Variants in ZMAT4 observed in about 807,000 individuals in gnomAD.
The protein encoded by ZMAT4 is zinc finger matrin-type protein 4.
In ZMAT4, 17 loss-of-function variants were observed where a neutral mutation model predicts 28.7. The ratio of observed to expected loss-of-function variants is 0.59; its 90% CI spans 0.41 to 0.89. The LOEUF (loss-of-function observed/expected upper bound fraction) is 0.89. Ranked by LOEUF, ZMAT4 falls within the 40% of genes least tolerant of loss-of-function variation. ZMAT4 has a pLI of 0.00. For synonymous variants in ZMAT4, 117 were observed against 109.2 expected (o/e 1.07, Z -0.44); for missense variants, 240 against 283.8 (o/e 0.85, Z 1.11).
chr8:40,761,054 G>A (rs1812917511), intron 3 of ZMAT4, among the ~76,000 whole-genome samples: 1 of 152,014 alleles, frequency 6.6e-6, no homozygotes. Context: ...GTGAGGGTGG[G>A]CTGGGGCAGT....
At chr8:40,764,447 C>T (rs969117014) in intron 3 of ZMAT4, among the ~76,000 whole-genome samples, 1 of 152,156 alleles carries the variant, frequency 6.6e-6, no homozygotes, top group Non-Finnish European at 1.5e-5. Context: ...ATAATAGGCC[C>T]TTCACTGCGT....
Position 40,600,384 on chromosome 8 carries a change from C to T in ZMAT4, c.578-19123G>A, listed in dbSNP as rs147224924. 7.5e-4 allele frequency among the ~76,000 whole-genome samples: 115 copies of T among 152,326 alleles called. 1 individual carries two copies. The highest frequency in any genetic ancestry group is 3.4e-3 in the Middle Eastern group (1 of 294). On this transcript the variant is annotated intron_variant, in intron 5 of 6. Coordinates refer to ENST00000297737, the MANE Select transcript of ZMAT4 (RefSeq NM_024645.3). The stretch of plus-strand genomic sequence containing the variant: ...TCTGGCATGAGCCATGCTGACTCTA[C>T]CAAGATAAAAATGGGCAAACTAAAG...
At chr8:40,822,731 C>T (rs1344728601) in intron 2 of ZMAT4, among the ~76,000 whole-genome samples, 1 of 152,188 alleles carries the variant, frequency 6.6e-6, no homozygotes. Context: ...ATGCACAGCT[C>T]TTTCTCACTG....
At chr8:40,558,978 G>T (rs1803639402) in intron 6 of ZMAT4, among the ~76,000 whole-genome samples, 1 of 152,136 alleles carries the variant, frequency 6.6e-6, no homozygotes, top group Admixed American at 6.5e-5. Flanking sequence ...TGCCAGAAAA[G>T]GGTTAAGCCT....
intron 5 of ZMAT4, among the ~76,000 whole-genome samples, chr8:40,641,133 G>T (rs1278928070): frequency 6.6e-6 from 1 of 152,128 alleles, no homozygotes; most frequent in Non-Finnish European, 1.5e-5. Context: ...GAATTATTTT[G>T]TAAATATGTG....
intron 5 of ZMAT4, among the ~76,000 whole-genome samples, chr8:40,636,872 A>G (rs1806811097): frequency 6.6e-6 from 1 of 152,084 alleles, no homozygotes; most frequent in African/African-American, 2.4e-5. Context: ...TAAAATGAAA[A>G]CTTTTTATCT....
At chr8:40,763,488 G>T (rs926743653) in intron 3 of ZMAT4, among the ~76,000 whole-genome samples, 37 of 152,142 alleles carry the variant, frequency 2.4e-4, no homozygotes, top group African/African-American at 8.7e-4. Flanking sequence ...CGTGTGGAAA[G>T]TGCATGATAA....
chr8:40,623,836 A>G (rs1421404150), intron 5 of ZMAT4, among the ~76,000 whole-genome samples: 1 of 152,212 alleles, frequency 6.6e-6, no homozygotes, highest in Non-Finnish European at 1.5e-5. Context: ...GCCCCATTTA[A>G]GCCAATACAG....
chr8:40,682,255 C>A (rs1056371825), intron 4 of ZMAT4, among the ~76,000 whole-genome samples: 40 of 152,182 alleles, frequency 2.6e-4, no homozygotes, highest in African/African-American at 7.5e-4. Context: ...TGCTTAGGGA[C>A]CTTGTGGTGC....
chr8:40,601,481 G>GAAAGAAAGAAA (rs756961015), intron 5 of ZMAT4, among the ~76,000 whole-genome samples: 23,642 of 114,466 alleles, frequency 0.21, 5,920 homozygotes, highest in Non-Finnish European at 0.32. Flanking sequence ...AAGAAAGAAA[G>GAAAGAAAGAAA]AAAGAAAGAA....
intron 6 of ZMAT4, among the ~76,000 whole-genome samples, chr8:40,544,545 A>G (rs751116193): frequency 3.3e-5 from 5 of 152,224 alleles, no homozygotes; most frequent in Non-Finnish European, 7.3e-5. Context: ...GCTTCTGAGC[A>G]GACCCCAAAG....
intron 5 of ZMAT4, among the ~76,000 whole-genome samples, chr8:40,593,132 C>T (rs781697924): frequency 1.1e-4 from 16 of 152,230 alleles, no homozygotes; most frequent in Admixed American, 3.3e-4. Context: ...CTTCCCATGC[C>T]GGTGCCATAG....
intron 3 of ZMAT4, among the ~76,000 whole-genome samples, chr8:40,748,802 G>A (rs35044966): frequency 0.089 from 13,527 of 151,890 alleles, 796 homozygotes; most frequent in Middle Eastern, 0.17. Context: ...AGACCCACTA[G>A]CTCATTCTAA....
chr8:40,827,319 ACT>A (rs762601467), intron 1 of ZMAT4, among the ~76,000 whole-genome samples: 2 of 152,114 alleles, frequency 1.3e-5, no homozygotes, highest in Non-Finnish European at 2.9e-5. Flanking sequence ...CAACCGTAAA[ACT>A]CTCTGCATTT....
chr8:40,894,739 C>T (rs1563272108), intron 1 of ZMAT4, among the ~76,000 whole-genome samples: 2 of 151,758 alleles, frequency 1.3e-5, no homozygotes, highest in Non-Finnish European at 1.5e-5. Context: ...CCAGACACAC[C>T]TTCCCCTAGG....
intron 5 of ZMAT4, among the ~76,000 whole-genome samples, chr8:40,665,058 T>C (rs1217387759): frequency 6.6e-6 from 1 of 152,148 alleles, no homozygotes; most frequent in African/African-American, 2.4e-5. Context: ...CGTAAAGCCC[T>C]AGCCAGGCGT....
chr8:40,561,442 C>G, intron 6 of ZMAT4, among the ~76,000 whole-genome samples: 1 of 152,112 alleles, frequency 6.6e-6, no homozygotes, highest in Non-Finnish European at 1.5e-5. Flanking sequence ...CTCACAGCTT[C>G]CACATGTAAG....
intron 5 of ZMAT4, among the ~76,000 whole-genome samples, chr8:40,608,141 G>A (rs537133039): frequency 6.6e-6 from 1 of 152,256 alleles, no homozygotes; most frequent in Non-Finnish European, 1.5e-5. Flanking sequence ...AAGTTCCCAA[G>A]AGATTATGTC....
chr8:40,836,975 A>G (rs1214848936), intron 1 of ZMAT4, among the ~76,000 whole-genome samples: 1 of 152,238 alleles, frequency 6.6e-6, no homozygotes, highest in Non-Finnish European at 1.5e-5. Flanking sequence ...GATTGACAGA[A>G]ATATAGATAC....
Sources: allele counts gnomAD v4.1 joint callset (sites outside exome capture counted in the v4.1 genomes callset), GRCh38; gene constraint gnomAD v4.1.1; transcripts MANE v1.5; gene names NCBI Gene and HGNC (gene_info 2026-07-23, HGNC 2026-07-21).